Variants in NEMP2 observed in about 807,000 individuals in gnomAD.
NEMP2 encodes the protein UPF0571 transmembrane protein.
In NEMP2, 53 loss-of-function variants were observed where a neutral mutation model predicts 54.2. The observed-to-expected ratio is 0.98, with a 90% CI of 0.78 to 1.23. The LOEUF is 1.23. NEMP2 is among the 50% of genes most tolerant of loss of function. The pLI is 0.00. For missense variants in NEMP2, 455 were observed against 511.3 expected (o/e 0.89, Z 1.06); for synonymous variants, 197 against 190.3 (o/e 1.04, Z -0.29).
rs1017983637 is a variant in NEMP2, at chr2:190,516,255, T to C, written c.727+15A>G. 6.6e-7 allele frequency: 1 copy of C among 1,526,260 alleles called. No homozygotes were observed. The highest frequency in any genetic ancestry group is 1.4e-5 in the African/African-American group (1 of 71,982). The allele number at this position is 1,526,260 out of a possible 1,614,324, so 94.5% of individuals were successfully genotyped here. ...TTTACCAATCACAGAGCATATTGTT[T>C]TTCTATTTACCTACCTAATACATAT... On this transcript the variant is annotated intron_variant, in intron 6 of 8. Coordinates refer to ENST00000409150, the MANE Select transcript of NEMP2 (RefSeq NM_001142645.2).
the NEMP2 span, among the ~76,000 whole-genome samples, chr2:190,475,957 A>G: frequency 1.4e-4 from 21 of 152,126 alleles, no homozygotes; most frequent in African/African-American, 4.3e-4. Context: ...AACAAGAAAT[A>G]GGGAAAGGAT....
rs560820348 is a variant in NEMP2 at position 190,530,240 on chromosome 2, T to C, written c.97+4319A>G. On this transcript the variant is annotated intron_variant, in intron 1 of 8. Transcript: ENST00000409150. The surrounding 1 kb of genome is among the most constrained non-coding windows in gnomAD (Gnocchi z 4.6). ...GCTAGTAAAAGCATGTTGCAGTGTTTTCCCTCGAATTCTCCAGAGTGGCCT... is the reference window on the plus strand; with the variant it reads ...GCTAGTAAAAGCATGTTGCAGTGTTCTCCCTCGAATTCTCCAGAGTGGCCT... Among the ~76,000 whole-genome samples the C allele has an allele frequency of 5.3e-4, 81 of 152,306 alleles. No homozygotes were observed. Among genetic ancestry groups the C allele is most frequent in the Non-Finnish European group, 7.9e-4 (54 of 68,018 alleles).
At chr2:190,627,445 G>T in the NEMP2 span, among the ~76,000 whole-genome samples, 1 of 152,204 alleles carries the variant, frequency 6.6e-6, no homozygotes, top group Non-Finnish European at 1.5e-5. This position sits in a 1 kb window ranked among gnomAD's most constrained non-coding sequence, Gnocchi z 4.4. Context: ...CACCTCTGGT[G>T]AGGGAATTTC....
the NEMP2 span, chr2:190,436,933 A>T: frequency 6.2e-7 from 1 of 1,614,258 alleles, no homozygotes; most frequent in African/African-American, 1.3e-5. The surrounding 1 kb of genome is among the most constrained non-coding windows in gnomAD (Gnocchi z 5.3). Flanking sequence ...AGAATTTTTC[A>T]GTGCCTCTTC....
chr2:190,482,868 CTTTTTTTTTTTTTTTTTTTTT>C, the NEMP2 span, among the ~76,000 whole-genome samples: 15 of 48,284 alleles, frequency 3.1e-4, no homozygotes, highest in East Asian at 7.0e-4. Flanking sequence ...AGACTATCAT[CTTTTTTTTTTTTTTTTTTTTT>C]TTTTTTTTTT....
the NEMP2 span, among the ~76,000 whole-genome samples, chr2:190,455,477 A>T: frequency 6.6e-6 from 1 of 152,150 alleles, no homozygotes; most frequent in Non-Finnish European, 1.5e-5. Flanking sequence ...ACAGGATTTG[A>T]CAGCAGAAGA....
At position 190,514,405 on chromosome 2, in the gene NEMP2, C is replaced by A. The variant is rs1434950684; in HGVS notation, c.953+48G>T. ...GCAAACACTCTCCCAAATAATAAAA[C>A]TAGAGCTCAAAATGTCAAATTTGCT... On this transcript the variant is annotated intron_variant, in intron 7 of 8. Coordinates refer to ENST00000409150, the MANE Select transcript of NEMP2 (RefSeq NM_001142645.2). The surrounding 1 kb of genome is among the most constrained non-coding windows in gnomAD (Gnocchi z 5.7). The A allele has an allele frequency of 6.9e-7, 1 of 1,457,774 alleles. No homozygotes were observed. Among genetic ancestry groups the A allele is most frequent in the Admixed American group, 2.0e-5 (1 of 50,816 alleles). The allele number at this position is 1,457,774 out of a possible 1,614,324, so 90.3% of individuals were successfully genotyped here.
the NEMP2 span, among the ~76,000 whole-genome samples, chr2:190,554,457 G>A: frequency 6.6e-6 from 1 of 152,206 alleles, no homozygotes; most frequent in Non-Finnish European, 1.5e-5. The surrounding 1 kb of genome is among the most constrained non-coding windows in gnomAD (Gnocchi z 5.7). Flanking sequence ...TGGGACTCTG[G>A]AGCTTGGTGG....
chr2:190,570,977 A>T, the NEMP2 span, among the ~76,000 whole-genome samples: 3 of 152,194 alleles, frequency 2.0e-5, no homozygotes, highest in African/African-American at 7.2e-5. This position sits in a 1 kb window ranked among gnomAD's most constrained non-coding sequence, Gnocchi z 5.4. Flanking sequence ...TCCCGATTAC[A>T]TATTTTTGTT....
chr2:190,463,742 C>T, the NEMP2 span: 1 of 320,650 alleles, frequency 3.1e-6, no homozygotes. The surrounding 1 kb of genome is among the most constrained non-coding windows in gnomAD (Gnocchi z 4.4). Context: ...ATCACCTGGG[C>T]TCTGGTGGTC....
At chr2:190,596,467 A>C in the NEMP2 span, among the ~76,000 whole-genome samples, 3,388 of 152,326 alleles carry the variant, frequency 0.022, 57 homozygotes, top group Non-Finnish European at 0.034. The surrounding 1 kb of genome is among the most constrained non-coding windows in gnomAD (Gnocchi z 5.1). Context: ...AGCACAGAAT[A>C]AGGTTTGCAT....
upstream of NEMP2, chr2:190,536,052 C>A (rs1299483348): frequency 1.3e-5 from 2 of 152,180 alleles, no homozygotes; most frequent in African/African-American, 4.8e-5. Context: ...AAAGGGCAGG[C>A]AGCAATGTAC....
chr2:190,610,670 A>G, the NEMP2 span: 1 of 152,396 alleles, frequency 6.6e-6, no homozygotes, highest in African/African-American at 2.4e-5. This position sits in a 1 kb window ranked among gnomAD's most constrained non-coding sequence, Gnocchi z 5.4. Flanking sequence ...CTATATTGCC[A>G]TAAATTAAGA....
the NEMP2 span, among the ~76,000 whole-genome samples, chr2:190,563,365 C>G: frequency 8.5e-5 from 13 of 152,274 alleles, 2 homozygotes; most frequent in African/African-American, 2.9e-4. This position sits in a 1 kb window ranked among gnomAD's most constrained non-coding sequence, Gnocchi z 4.3. Flanking sequence ...CGCAGGTAGA[C>G]GTTTTCACAC....
chr2:190,522,862 C>T lies in NEMP2; in HGVS notation c.213+2401G>A, dbSNP rs1277365183. Among the ~76,000 whole-genome samples, 1 of 152,154 alleles carries T rather than the reference C, an allele frequency of 6.6e-6. No homozygotes were observed. The highest frequency in any genetic ancestry group is 1.9e-4 in the East Asian group (1 of 5,200). On this transcript the variant is annotated intron_variant, in intron 2 of 8. Coordinates refer to ENST00000409150, the MANE Select transcript of NEMP2 (RefSeq NM_001142645.2). The surrounding 1 kb of genome is among the most constrained non-coding windows in gnomAD (Gnocchi z 5.0). ...TCTACCTATAACCTGGAACACTGCA[C>T]CCCTCTCTGCTTCAAGTTGTCCCAC... is the stretch of plus-strand genomic sequence containing the variant.
chr2:190,644,808 C>G, the NEMP2 span, among the ~76,000 whole-genome samples: 2 of 152,076 alleles, frequency 1.3e-5, no homozygotes, highest in Non-Finnish European at 1.5e-5. This position sits in a 1 kb window ranked among gnomAD's most constrained non-coding sequence, Gnocchi z 4.4. Flanking sequence ...GGGCTTAATA[C>G]CTGGGTTATG....
the NEMP2 span, among the ~76,000 whole-genome samples, chr2:190,579,499 A>T: frequency 2.0e-5 from 3 of 152,144 alleles, no homozygotes; most frequent in African/African-American, 4.8e-5. Context: ...AAAAACTCTG[A>T]GATGTTATGA....
the NEMP2 span, among the ~76,000 whole-genome samples, chr2:190,574,629 C>T: frequency 9.9e-4 from 151 of 152,272 alleles, no homozygotes; most frequent in African/African-American, 3.4e-3. Flanking sequence ...CAAACCTTCT[C>T]ATCACCTGAC....
chr2:190,427,409 AGT>A, the NEMP2 span, among the ~76,000 whole-genome samples: 3 of 152,208 alleles, frequency 2.0e-5, no homozygotes, highest in Non-Finnish European at 4.4e-5. Context: ...ATTTGGCTGC[AGT>A]CGAAGTTATT....
Sources: allele counts gnomAD v4.1 joint callset (sites outside exome capture counted in the v4.1 genomes callset), GRCh38; gene constraint gnomAD v4.1.1; non-coding constraint Gnocchi (gnomAD v3.1); transcripts MANE v1.5; gene names NCBI Gene and HGNC (gene_info 2026-07-23, HGNC 2026-07-21).